CHN2: variants seen among roughly 807,000 people sequenced by gnomAD.
CHN2 encodes the protein beta-chimaerin.
Under a neutral mutation model 56.3 loss-of-function variants are expected in CHN2, and 35 were observed. That is an observed-to-expected ratio of 0.62 (90% CI 0.47 to 0.82). The LOEUF is 0.82. Among genes scored for constraint, CHN2 ranks in the 40% least tolerant of loss-of-function variants. CHN2 has a pLI of 0.00. For synonymous variants in CHN2, 210 were observed against 212.8 expected, an observed-to-expected ratio of 0.99 and a Z score of 0.12; for missense variants, 491 against 580.5, an observed-to-expected ratio of 0.85 and a Z score of 1.58.
intron 1 of CHN2, among the ~76,000 whole-genome samples, chr7:29,202,217 C>T (rs1016278280): frequency 6.6e-6 from 1 of 152,180 alleles, no homozygotes; most frequent in African/African-American, 2.4e-5. Flanking sequence ...GTGGCATATA[C>T]AAGCCGTGTT....
At chr7:29,197,718 G>A (rs907220490) in intron 1 of CHN2, among the ~76,000 whole-genome samples, 1 of 152,146 alleles carries the variant, frequency 6.6e-6, no homozygotes, top group East Asian at 1.9e-4. Flanking sequence ...TGAGTGTTTG[G>A]CATGGAAAGA....
intron 6 of CHN2, among the ~76,000 whole-genome samples, chr7:29,414,491 C>T (rs113483630): frequency 0.029 from 4,399 of 152,098 alleles, 176 homozygotes; most frequent in African/African-American, 0.093. Context: ...GGAATTGGAG[C>T]GGTGGAAGTA....
At chr7:29,364,306 AT>A (rs1395243806) in intron 2 of CHN2, among the ~76,000 whole-genome samples, 1 of 152,162 alleles carries the variant, frequency 6.6e-6, no homozygotes, top group Non-Finnish European at 1.5e-5. Context: ...ATGCTCACAT[AT>A]TTGCTTGTAA....
At chr7:29,428,754 C>G (rs1805132715) in intron 6 of CHN2, among the ~76,000 whole-genome samples, 1 of 152,064 alleles carries the variant, frequency 6.6e-6, no homozygotes, top group Admixed American at 6.5e-5. Context: ...CACGTAGGGC[C>G]TATAAAATTT....
chr7:29,176,661 T>A (rs1797388136), intron 2 of CHN2, among the ~76,000 whole-genome samples: 1 of 152,184 alleles, frequency 6.6e-6, no homozygotes, highest in Non-Finnish European at 1.5e-5. Context: ...GAAGATCTAA[T>A]ATACAAGAAA....
chr7:29,346,171 C>G (rs1460748890), intron 1 of CHN2, among the ~76,000 whole-genome samples: 1 of 152,208 alleles, frequency 6.6e-6, no homozygotes, highest in Non-Finnish European at 1.5e-5. Flanking sequence ...CAGCTCAGGC[C>G]TGGCACCATT....
chr7:29,426,574 C>G (rs1804883244), intron 6 of CHN2, among the ~76,000 whole-genome samples: 1 of 152,186 alleles, frequency 6.6e-6, no homozygotes. Flanking sequence ...TCCAGTCTCT[C>G]TGGAGTTACC....
At chr7:29,402,098 T>C (rs756095953) in intron 6 of CHN2, among the ~76,000 whole-genome samples, 5 of 152,080 alleles carry the variant, frequency 3.3e-5, no homozygotes, top group Non-Finnish European at 1.5e-5. Flanking sequence ...CCAGTGTCAA[T>C]GGGAAGCAAA....
At chr7:29,382,560 C>T (rs1185369813) in intron 3 of CHN2, among the ~76,000 whole-genome samples, 2 of 152,156 alleles carry the variant, frequency 1.3e-5, no homozygotes, top group African/African-American at 2.4e-5. Context: ...TGTGTTATGC[C>T]ATGAGGCTGA....
intron 1 of CHN2, among the ~76,000 whole-genome samples, chr7:29,217,006 A>G (rs1432009567): frequency 1.3e-5 from 2 of 152,210 alleles, no homozygotes; most frequent in Non-Finnish European, 2.9e-5. Context: ...TTAGGAGGAA[A>G]AACCTCCAGA....
intron 1 of CHN2, among the ~76,000 whole-genome samples, chr7:29,200,349 T>A (rs1033673349): frequency 2.0e-4 from 24 of 118,528 alleles, no homozygotes; most frequent in African/African-American, 7.9e-4. Flanking sequence ...CCCCTCCCTC[T>A]TTTCTTCCCT....
chr7:29,282,692 CT>C (rs1448730888), intron 1 of CHN2, among the ~76,000 whole-genome samples: 1 of 151,954 alleles, frequency 6.6e-6, no homozygotes, highest in Admixed American at 6.6e-5. Flanking sequence ...AATTTGATAC[CT>C]TTAATCATCT....
intron 6 of CHN2, chr7:29,445,252 T>C (rs1255414238): frequency 2.3e-6 from 1 of 433,490 alleles, no homozygotes; most frequent in Non-Finnish European, 4.6e-6. Flanking sequence ...CCCTACCTCC[T>C]AGCCAGACTT....
intron 6 of CHN2, among the ~76,000 whole-genome samples, chr7:29,445,997 T>C (rs1176049142): frequency 6.6e-6 from 1 of 151,714 alleles, no homozygotes; most frequent in Non-Finnish European, 1.5e-5. Context: ...AGCTCAATGG[T>C]TCTCAGCCTT....
intron 1 of CHN2, among the ~76,000 whole-genome samples, chr7:29,328,606 GA>G (rs1220943367): frequency 2.0e-5 from 3 of 150,476 alleles, no homozygotes; most frequent in African/African-American, 7.3e-5. Context: ...TACTAGGCAG[GA>G]AAAAAACCTT....
intron 1 of CHN2, among the ~76,000 whole-genome samples, chr7:29,319,186 C>T (rs558523522): frequency 6.6e-6 from 1 of 152,298 alleles, no homozygotes; most frequent in South Asian, 2.1e-4. Context: ...CTCTTATGTA[C>T]TTCTTGGGAG....
At chr7:29,506,834 A>C (rs1200186192) in intron 10 of CHN2, among the ~76,000 whole-genome samples, 1 of 152,190 alleles carries the variant, frequency 6.6e-6, no homozygotes, top group African/African-American at 2.4e-5. Context: ...TGACTTCCAA[A>C]TCCAAGTCTA....
At position 29,300,909 on chromosome 7, in the gene CHN2, T is replaced by C. The variant is rs889433811; in HGVS notation, c.50-53716T>C. On this transcript the variant is annotated intron_variant, in intron 1 of 12. Transcript: ENST00000222792. ...TTCCTTAGAGCTACATGTTACCATG[T>C]GCAATATTTTTTAAATGTGTTTATT... 5.3e-5 allele frequency among the ~76,000 whole-genome samples: 8 copies of C among 152,354 alleles called. No individual in the cohort carries two copies. In the East Asian group the frequency reaches 1.5e-3, roughly 29 times the overall value.
chr7:29,398,888 C>T (rs974995247), intron 5 of CHN2, among the ~76,000 whole-genome samples: 1 of 152,044 alleles, frequency 6.6e-6, no homozygotes, highest in Admixed American at 6.6e-5. Context: ...AGTCAGGAGC[C>T]ACTGCACCTG....
Sources: gnomAD v4.1 joint callset for allele counts (sites outside exome capture counted in the v4.1 genomes callset) on GRCh38, gnomAD v4.1.1 for gene constraint, MANE v1.5 for transcripts, NCBI Gene and HGNC (gene_info 2026-07-23, HGNC 2026-07-21) for gene names.